DNAJA3: variants seen among roughly 807,000 people sequenced by gnomAD.
DNAJA3 encodes DnaJ heat shock protein family (Hsp40) member A3.
DNAJA3 carries 29 observed loss-of-function variants against 54.9 expected under a neutral mutation model. The ratio of observed to expected loss-of-function variants is 0.53; its 90% CI spans 0.39 to 0.72. The LOEUF (loss-of-function observed/expected upper bound fraction) is 0.72, where lower values mean the gene tolerates loss of function less well. Among genes scored for constraint, DNAJA3 ranks in the 30% least tolerant of loss-of-function variants. The pLI is 0.00. For synonymous variants in DNAJA3, 302 were observed against 251.4 expected (o/e 1.20, Z -1.90); for missense variants, 708 against 639.4 (o/e 1.11, Z -1.16).
At chr16:4,443,717 C>T (rs1596366976) in intron 6 of DNAJA3, among the ~76,000 whole-genome samples, 2 of 151,358 alleles carry the variant, frequency 1.3e-5, no homozygotes, top group African/African-American at 4.8e-5. Flanking sequence ...GACGGAGTCT[C>T]GCTCTGTCAC....
At chr16:4,429,776 G>A (rs1256794871) in intron 1 of DNAJA3, among the ~76,000 whole-genome samples, 5 of 152,158 alleles carry the variant, frequency 3.3e-5, no homozygotes, top group African/African-American at 7.2e-5. Context: ...GGAGGTTGCC[G>A]TGAGCCGAGT....
intron 1 of DNAJA3, chr16:4,434,146 T>C: frequency 2.0e-6 from 1 of 488,330 alleles, no homozygotes; most frequent in South Asian, 2.5e-5. Flanking sequence ...GAACTTACTA[T>C]CGCGAGACCA....
chr16:4,455,381 G>A (rs1454544887), intron 11 of DNAJA3, 165 bp from the exon 12 acceptor site: 9 of 735,120 alleles, frequency 1.2e-5, no homozygotes, highest in South Asian at 5.2e-5. Flanking sequence ...CTTGCTCGCC[G>A]TGTCATCTTG....
At position 4,448,752 on chromosome 16, in the gene DNAJA3, C is replaced by A; in HGVS notation, c.1145C>A (p.Thr382Lys). ...INVTIPPGTQ[T>K]DQKIRMGGKG... ...TTATAGATCCCCCCTGGGACTCAGA[C>A]AGACCAGAAGATTCGGATGGGTGGG... is the stretch of plus-strand genomic sequence containing the variant. The change falls in exon 9 of 12, where the codon ACA becomes AAA. Residue 382 changes from threonine (T) to lysine (K), a missense_variant. Transcript: ENST00000262375. The A allele has an allele frequency of 6.2e-7, 1 of 1,614,060 alleles. No individual in the cohort carries two copies. The highest frequency in any genetic ancestry group is 8.5e-7 in the Non-Finnish European group (1 of 1,179,938).
chr16:4,449,306 A>G (rs140728328), intron 9 of DNAJA3, among the ~76,000 whole-genome samples: 1 of 152,068 alleles, frequency 6.6e-6, no homozygotes, highest in East Asian at 1.9e-4. Flanking sequence ...AGAATGGTCG[A>G]CTTCTTGGAG....
intron 10 of DNAJA3, among the ~76,000 whole-genome samples, chr16:4,452,851 C>T (rs946935104): frequency 6.6e-6 from 1 of 152,094 alleles, no homozygotes; most frequent in African/African-American, 2.4e-5. Flanking sequence ...CTCAAGGCTG[C>T]GGTGAGTCAT....
rs146341516 is a variant in DNAJA3 at position 4,445,760 on chromosome 16, C to T, written c.996+1032C>T. Among the ~76,000 whole-genome samples the T allele has an allele frequency of 1.1e-3, 173 of 151,864 alleles. 1 individual carries two copies. In the Middle Eastern group the frequency reaches 0.014, roughly 12 times the overall value. On this transcript the variant is annotated intron_variant, in intron 7 of 11. Coordinates refer to ENST00000262375, the MANE Select transcript of DNAJA3 (RefSeq NM_005147.6). ...AAAGATGAGGTTTCACCATGTTGCC[C>T]AGGGTGGTCTCAAACCCCAGGGCTC...
intron 8 of DNAJA3, 113 bp downstream of exon 8, chr16:4,447,127 G>T: frequency 7.8e-7 from 1 of 1,280,372 alleles, no homozygotes; most frequent in Non-Finnish European, 1.1e-6. Flanking sequence ...ATGTGGGGGG[G>T]CACTCACAGG....
chr16:4,442,892 T>A, intron 5 of DNAJA3, 125 bp from the exon 6 acceptor site: 17 of 1,083,342 alleles, frequency 1.6e-5, no homozygotes, highest in Non-Finnish European at 2.3e-5. Flanking sequence ...AGGCAGTGTG[T>A]TTGAGTGCAC....
chr16:4,437,004 T>C (rs1596362930), intron 2 of DNAJA3, among the ~76,000 whole-genome samples: 1 of 151,876 alleles, frequency 6.6e-6, no homozygotes, highest in East Asian at 1.9e-4. Context: ...AGAATCTCAC[T>C]CCGTCACCTA....
intron 1 of DNAJA3, 65 bp downstream of exon 1, chr16:4,426,157 T>C (rs528685591): frequency 5.0e-5 from 72 of 1,435,692 alleles, no homozygotes; most frequent in Non-Finnish European, 6.5e-5. Flanking sequence ...GTCTCCTCGC[T>C]GTGACTACGG....
chr16:4,434,886 C>CTTTTTT lies in DNAJA3; in HGVS notation c.345+392_345+397dup, dbSNP rs202179531. On this transcript the variant is annotated intron_variant, in intron 2 of 11. Transcript: ENST00000262375. ...GGTTTAGAATTACTTCCTTTCCTTT[C>CTTTTTT]TTTTTTTTTTTTTTTTTTTTTTTTT... Among the ~76,000 whole-genome samples, 374 of 100,154 alleles carry CTTTTTT rather than the reference C, an allele frequency of 3.7e-3. 20 individuals carry two copies. Among genetic ancestry groups the CTTTTTT allele is most frequent in the African/African-American group, 6.5e-3 (159 of 24,308 alleles). 65.7% of individuals were successfully genotyped at this position (100,154 alleles called of 152,430 possible).
rs370872808 is a variant in DNAJA3, at chr16:4,426,082, C to G, written c.201C>G (p.Val67=). 10 of 1,593,796 alleles carry G rather than the reference C, an allele frequency of 6.3e-6. No individual in the cohort carries two copies. The South Asian group carries it at 1.0e-4, about 16-fold the overall frequency. Residue 67 remains valine, a synonymous_variant, in exon 1 of 12, where the codon GTC becomes GTG. Coordinates refer to ENST00000262375, the MANE Select transcript of DNAJA3 (RefSeq NM_005147.6). The part of the protein sequence containing the change: ...PRALLTLRPG[V]SLTGTKHNPF... ...CGCTGCTGACATTGAGACCTGGTGT[C>G]AGCCTTACAGGTGAGGGCAGGTTCC...
At chr16:4,450,305 C>G (rs1246278593) in intron 9 of DNAJA3, 95 bp from the exon 10 acceptor site, 3 of 1,034,282 alleles carry the variant, frequency 2.9e-6, no homozygotes, top group Non-Finnish European at 4.2e-6. Flanking sequence ...TTGGGTCCCT[C>G]TCTTCCCATG....
intron 3 of DNAJA3, chr16:4,441,134 C>T (rs1265984922): frequency 2.9e-5 from 16 of 549,622 alleles, no homozygotes; most frequent in Admixed American, 1.8e-4. Context: ...CCAGCATGCG[C>T]GACGGCGGGA....
chr16:4,450,240 A>C (rs1367866680), intron 9 of DNAJA3, 160 bp from the exon 10 acceptor site: 1 of 566,658 alleles, frequency 1.8e-6, no homozygotes, highest in African/African-American at 1.9e-5. Flanking sequence ...CTTTGAGGGC[A>C]TGGTCCTTAG....
rs747327359 is a variant in DNAJA3, at chr16:4,441,457, A to G, written c.512A>G (p.His171Arg). Reference protein sequence around the residue: ...GFDPGASGSQHSYWKGGPTVD... With the variant: ...GFDPGASGSQRSYWKGGPTVD... Reference sequence around the variant, plus strand: ...GATCCTGGGGCCAGCGGCTCCCAGCATAGCTACTGGAAGGGAGGCCCCACT... The same window carrying G: ...GATCCTGGGGCCAGCGGCTCCCAGCGTAGCTACTGGAAGGGAGGCCCCACT... The change falls in exon 4 of 12, where the codon CAT becomes CGT. Residue 171 changes from histidine to arginine, a missense_variant. Coordinates refer to ENST00000262375, the MANE Select transcript of DNAJA3 (RefSeq NM_005147.6). 3 of 1,614,070 alleles carry G rather than the reference A, an allele frequency of 1.9e-6. No individual in the cohort carries two copies. The highest frequency in any genetic ancestry group is 2.2e-5 in the East Asian group (1 of 44,890).
intron 10 of DNAJA3, among the ~76,000 whole-genome samples, chr16:4,452,154 A>G (rs2056986313): frequency 1.3e-5 from 2 of 152,142 alleles, no homozygotes; most frequent in Non-Finnish European, 1.5e-5. Context: ...ATGGTTTGGT[A>G]CATATACTGT....
chr16:4,426,412 C>T (rs1044706969), intron 1 of DNAJA3, among the ~76,000 whole-genome samples: 5 of 152,176 alleles, frequency 3.3e-5, no homozygotes, highest in African/African-American at 1.2e-4. Context: ...CCTTCTAGCC[C>T]GTAGCGGAAG....
Sources: gnomAD v4.1 joint callset for allele counts (sites outside exome capture counted in the v4.1 genomes callset) on GRCh38, gnomAD v4.1.1 for gene constraint, MANE v1.5 for transcripts, NCBI Gene and HGNC (gene_info 2026-07-23, HGNC 2026-07-21) for gene names.